AKT3: variants seen among roughly 807,000 people sequenced by gnomAD.
The protein encoded by AKT3 is RAC-gamma serine/threonine-protein kinase.
In AKT3, 15 loss-of-function variants were observed where a neutral mutation model predicts 65.3. That is an observed-to-expected ratio of 0.23 (90% CI 0.15 to 0.35). The LOEUF is 0.35. Among genes scored for constraint, AKT3 ranks in the 10% least tolerant of loss-of-function variants. AKT3 has a pLI of 1.00. For missense variants in AKT3, 243 were observed against 576.5 expected, an observed-to-expected ratio of 0.42 and a Z score of 5.92; for synonymous variants, 206 against 183.8, an observed-to-expected ratio of 1.12 and a Z score of -0.98.
Position 243,653,606 on chromosome 1 carries a change from T to C in AKT3, c.285-7569A>G, listed in dbSNP as rs370238527. Among the ~76,000 whole-genome samples, 9 of 152,338 alleles carry C rather than the reference T, an allele frequency of 5.9e-5. No homozygotes were observed. In the South Asian group the frequency reaches 6.2e-4, roughly 11 times the overall value. On this transcript the variant is annotated intron_variant, in intron 4 of 13. Coordinates refer to ENST00000673466, the MANE Select transcript of AKT3 (RefSeq NM_005465.7). ...TTTGAGTGTAGTGTTCTATAAATAC[T>C]AGGTATATCAAGGTGGTTGACAATG...
intron 5 of AKT3, among the ~76,000 whole-genome samples, chr1:243,641,012 T>C (rs1178005395): frequency 2.0e-5 from 3 of 152,002 alleles, no homozygotes; most frequent in African/African-American, 7.2e-5. Context: ...CACCATCTAA[T>C]CAGCTGCCAG....
intron 8 of AKT3, among the ~76,000 whole-genome samples, chr1:243,592,785 T>C (rs1676325948): frequency 6.6e-6 from 1 of 152,192 alleles, no homozygotes; most frequent in Non-Finnish European, 1.5e-5. Context: ...AAATAGTAAC[T>C]GTGTCAGGGA....
At chr1:243,806,982 T>C (rs183352147) in intron 2 of AKT3, among the ~76,000 whole-genome samples, 2 of 152,190 alleles carry the variant, frequency 1.3e-5, no homozygotes, top group African/African-American at 4.8e-5. Context: ...ATTCAGGCAA[T>C]ATCATCAATG....
intron 8 of AKT3, among the ~76,000 whole-genome samples, chr1:243,583,100 A>C (rs320325): frequency 0.93 from 135,836 of 145,574 alleles, 63,818 homozygotes; most frequent in East Asian, 0.99. Flanking sequence ...ATATATATAT[A>C]TCTCTCTCTC....
intron 8 of AKT3, among the ~76,000 whole-genome samples, chr1:243,578,532 G>C (rs540245941): frequency 1.3e-5 from 2 of 152,082 alleles, no homozygotes; most frequent in East Asian, 3.9e-4. Flanking sequence ...AGGGCTTGTG[G>C]GGCAGAGCCA....
chr1:243,500,148 G>C lies in AKT3; in HGVS notation c.*5101C>G. 3.3e-6 allele frequency: 1 copy of C among 299,452 alleles called. No homozygotes were observed. Among genetic ancestry groups the C allele is most frequent in the Non-Finnish European group, 6.3e-6 (1 of 159,736 alleles). The allele number at this position is 299,452 out of a possible 1,614,324, so 18.5% of individuals were successfully genotyped here. On this transcript the variant is annotated 3_prime_UTR_variant, in exon 14 of 14. Coordinates refer to ENST00000673466, the MANE Select transcript of AKT3 (RefSeq NM_005465.7). ...AGTGATGAACAAAACACACCAAAAA[G>C]GCACATATTTTAACTAGGCCAAAGT...
chr1:243,825,908 G>A (rs1012795743), intron 2 of AKT3, among the ~76,000 whole-genome samples: 3 of 152,146 alleles, frequency 2.0e-5, no homozygotes, highest in African/African-American at 7.2e-5. Context: ...AAGGCAGGCA[G>A]AACACCTGAA....
chr1:243,713,915 G>A (rs572760729), intron 2 of AKT3, among the ~76,000 whole-genome samples: 10 of 152,138 alleles, frequency 6.6e-5, no homozygotes, highest in African/African-American at 2.4e-4. Flanking sequence ...GGCTCACACA[G>A]TAATTAGTAT....
rs984642349 is a variant in AKT3, at chr1:243,645,940, T to C, written c.382A>G (p.Ile128Val). The change falls in exon 5 of 14, where the codon ATA becomes GTA. Residue 128 changes from isoleucine to valine, a missense_variant. This residue lies in a region of AKT3 where 72 missense variants were observed against 86.0 expected (regional missense o/e 0.84). Coordinates refer to ENST00000673466, the MANE Select transcript of AKT3 (RefSeq NM_005465.7). ...NCSPTSQIDN[I>V]GEEEMDASTT... The stretch of plus-strand genomic sequence containing the variant: ...GAGGCATCCATCTCTTCCTCTCCTA[T>C]ATTATCAATTTGTGAAGTTGGACTA... 3 of 1,612,772 alleles carry C rather than the reference T, an allele frequency of 1.9e-6. No individual in the cohort carries two copies. The highest frequency in any genetic ancestry group is 3.3e-5 in the Admixed American group (2 of 59,980).
chr1:243,721,397 T>C (rs1686896191), intron 2 of AKT3, among the ~76,000 whole-genome samples: 1 of 152,182 alleles, frequency 6.6e-6, no homozygotes, highest in Non-Finnish European at 1.5e-5. Context: ...TGTCCAGTCC[T>C]ATTTCTACAT....
chr1:243,773,617 C>A (rs1690343922), intron 2 of AKT3, among the ~76,000 whole-genome samples: 1 of 151,810 alleles, frequency 6.6e-6, no homozygotes, highest in Non-Finnish European at 1.5e-5. Context: ...ACAGTGAGAC[C>A]CCATCGCCCC....
chr1:243,519,300 C>T (rs138709936), intron 12 of AKT3, among the ~76,000 whole-genome samples: 4 of 152,120 alleles, frequency 2.6e-5, no homozygotes, highest in Non-Finnish European at 4.4e-5. Context: ...GCACCCAGAT[C>T]GGCTGCAGAC....
At chr1:243,654,689 C>G (rs1269058237) in intron 4 of AKT3, among the ~76,000 whole-genome samples, 1 of 152,156 alleles carries the variant, frequency 6.6e-6, no homozygotes, top group African/African-American at 2.4e-5. Flanking sequence ...TCTTAGCACT[C>G]ATTTTCTTTC....
chr1:243,558,701 G>C (rs893609813), intron 10 of AKT3, among the ~76,000 whole-genome samples: 2 of 151,942 alleles, frequency 1.3e-5, no homozygotes, highest in African/African-American at 4.8e-5. Flanking sequence ...TTACAGAAGT[G>C]CATTTCTCTA....
intron 2 of AKT3, among the ~76,000 whole-genome samples, chr1:243,725,087 G>A (rs12145933): frequency 0.014 from 2,130 of 151,674 alleles, 32 homozygotes; most frequent in Non-Finnish European, 0.022. Context: ...ATGCATGCCC[G>A]TAGTTCTAGC....
intron 3 of AKT3, among the ~76,000 whole-genome samples, chr1:243,681,177 T>C (rs1327143529): frequency 2.0e-5 from 3 of 152,106 alleles, no homozygotes; most frequent in Admixed American, 6.6e-5. Flanking sequence ...AATAGACTGT[T>C]TGTCCTCCAA....
chr1:243,807,386 A>C (rs961878451), intron 2 of AKT3, among the ~76,000 whole-genome samples: 3 of 152,216 alleles, frequency 2.0e-5, no homozygotes, highest in Non-Finnish European at 2.9e-5. Context: ...AGGAGATTAT[A>C]TCCCATGCCT....
At chr1:243,563,908 AT>A in intron 9 of AKT3, 60 bp from the exon 10 acceptor site, 1 of 1,506,202 alleles carries the variant, frequency 6.6e-7, no homozygotes, top group Non-Finnish European at 8.9e-7. Flanking sequence ...TGAAAATACC[AT>A]TTTAAAAAAC....
At chr1:243,673,763 C>T (rs952790159) in intron 3 of AKT3, among the ~76,000 whole-genome samples, 4 of 151,888 alleles carry the variant, frequency 2.6e-5, no homozygotes, top group East Asian at 3.9e-4. Flanking sequence ...TACAGGCGTG[C>T]GCCACTAGGC....
Sources: gnomAD v4.1 joint callset for allele counts (sites outside exome capture counted in the v4.1 genomes callset) on GRCh38, gnomAD v4.1.1 for gene constraint, gnomAD v4.1.1 regional missense constraint, MANE v1.5 for transcripts, NCBI Gene and HGNC (gene_info 2026-07-23, HGNC 2026-07-21) for gene names.